The following KPNA5 variants were observed in gnomAD, a reference collection of about 807,000 sequenced individuals.
KPNA5 encodes the protein karyopherin subunit alpha 5.
A neutral mutation model predicts 71.3 loss-of-function variants in KPNA5; 46 were observed. The ratio of observed to expected loss-of-function variants is 0.65; its 90% CI spans 0.51 to 0.83. The LOEUF (loss-of-function observed/expected upper bound fraction) is 0.83. KPNA5 is among the 40% of genes least tolerant of loss of function. KPNA5 has a pLI of 0.00. For synonymous variants in KPNA5, 207 were observed against 201.4 expected (o/e 1.03, Z -0.24); for missense variants, 547 against 628.3 (o/e 0.87, Z 1.38).
At chr6:116,708,729 C>T (rs1281101283) in intron 7 of KPNA5, among the ~76,000 whole-genome samples, 5 of 151,800 alleles carry the variant, frequency 3.3e-5, no homozygotes, top group Non-Finnish European at 1.5e-5. Flanking sequence ...TCTTTTTTGA[C>T]TTGTTCCTTG....
At chr6:116,705,213 A>T in intron 7 of KPNA5, 53 bp downstream of exon 7, 1 of 1,288,056 alleles carries the variant, frequency 7.8e-7, no homozygotes. Context: ...ACTCCATGAT[A>T]TTCTACATAC....
chr6:116,730,023 A>G (rs1327187190), intron 13 of KPNA5, among the ~76,000 whole-genome samples: 1 of 150,278 alleles, frequency 6.7e-6, no homozygotes, highest in Non-Finnish European at 1.5e-5. Flanking sequence ...ATTTCTACAT[A>G]ATTTTTATTA....
chr6:116,729,868 CCCG>C (rs1421269880), intron 13 of KPNA5, 127 bp downstream of exon 13: 1 of 511,924 alleles, frequency 2.0e-6, no homozygotes, highest in Non-Finnish European at 3.3e-6. Context: ...TAAAATGTCA[CCCG>C]TAATTTTATT....
Position 116,722,169 on chromosome 6 carries a change from G to C in KPNA5, c.800G>C (p.Ser267Thr). ...LNVLSRLLFS[S>T]DPDVLADVCW... ...GTCCTGTCACGACTGTTGTTTAGCA[G>C]TGACCCAGATGTGTTAGCAGACGTG... The change falls in exon 9 of 14, where the codon AGT becomes ACT. Residue 267 changes from serine to threonine, a missense_variant. Ser to Thr is a moderately conservative substitution (Grantham distance 58, BLOSUM62 1). Coordinates refer to ENST00000368564, the MANE Select transcript of KPNA5 (RefSeq NM_001366306.2). 1 of 1,610,462 alleles carries C rather than the reference G, an allele frequency of 6.2e-7. No homozygotes were observed. Among genetic ancestry groups the C allele is most frequent in the Non-Finnish European group, 8.5e-7 (1 of 1,177,920 alleles).
chr6:116,691,994 C>A, intron 2 of KPNA5, 61 bp from the exon 3 acceptor site: 1 of 1,055,160 alleles, frequency 9.5e-7, no homozygotes, highest in Non-Finnish European at 1.5e-6. Flanking sequence ...ACATGGAATT[C>A]TATGGCAACT....
At chr6:116,706,715 G>A (rs80106497) in intron 7 of KPNA5, among the ~76,000 whole-genome samples, 6,477 of 152,002 alleles carry the variant, frequency 0.043, 420 homozygotes, top group African/African-American at 0.14. Flanking sequence ...TTTCCAAAAA[G>A]GGTATTAAAA....
intron 13 of KPNA5, among the ~76,000 whole-genome samples, chr6:116,731,340 A>G (rs760203485): frequency 2.2e-4 from 34 of 152,172 alleles, no homozygotes; most frequent in Non-Finnish European, 4.0e-4. Context: ...TTAGTCACTG[A>G]TTTAAGAATA....
chr6:116,725,750 G>T lies in KPNA5; in HGVS notation c.1000-1G>T. 4 of 1,599,092 alleles carry T rather than the reference G, an allele frequency of 2.5e-6. No homozygotes were observed. The highest frequency in any genetic ancestry group is 2.6e-6 in the Non-Finnish European group (3 of 1,173,868). On this transcript the variant is annotated splice_acceptor_variant, in intron 10 of 13. Coordinates refer to ENST00000368564, the MANE Select transcript of KPNA5 (RefSeq NM_001366306.2). LOFTEE classifies it high-confidence loss of function. ...TTGTTTCCATTTCTAACTTGTTTTA[G>T]GTAATTTTGAATTGTTCTGCATTAC...
chr6:116,701,317 G>C (rs993078113), intron 5 of KPNA5, among the ~76,000 whole-genome samples: 1 of 152,040 alleles, frequency 6.6e-6, no homozygotes, highest in African/African-American at 2.4e-5. Flanking sequence ...TTTGCCTGTG[G>C]ATTTGTAGGT....
In KPNA5 at chr6:116,725,791, T is replaced by C. The variant is rs1293598640; in HGVS notation, c.1040T>C (p.Leu347Ser). The C allele has an allele frequency of 1.9e-6, 3 of 1,613,286 alleles. No homozygotes were observed. Among genetic ancestry groups the C allele is most frequent in the Non-Finnish European group, 2.5e-6 (3 of 1,179,526 alleles). ...TCTGCATTACCCTGTCTCTTACATT[T>C]ATTGAGTAGCCCAAAGGAGTCAATT... is the stretch of plus-strand genomic sequence containing the variant. ...NCSALPCLLH[L>S]LSSPKESIRK... Residue 347 changes from leucine (L) to serine (S), a missense_variant, in exon 11 of 14, where the codon TTA becomes TCA. By Grantham distance (145) the Leu-to-Ser change is moderately radical. Transcript: ENST00000368564.
At chr6:116,688,244 A>C (rs977559458) in intron 1 of KPNA5, among the ~76,000 whole-genome samples, 7 of 152,166 alleles carry the variant, frequency 4.6e-5, no homozygotes, top group Non-Finnish European at 7.4e-5. Context: ...TCCTTACAAT[A>C]AAATTTGCCA....
In KPNA5 at chr6:116,694,516, A is replaced by C. The variant is rs550127880; in HGVS notation, c.340+2124A>C. 4.6e-5 allele frequency among the ~76,000 whole-genome samples: 7 copies of C among 151,990 alleles called. No homozygotes were observed. In the East Asian group the frequency reaches 1.4e-3, roughly 29 times the overall value. ...TTGAAGCAATTGTGAATGGGAGTTC[A>C]CTCATGATTTGGCTCTCTGTTTGTC... On this transcript the variant is annotated intron_variant, in intron 4 of 13. Coordinates refer to ENST00000368564, the MANE Select transcript of KPNA5 (RefSeq NM_001366306.2).
At chr6:116,696,914 A>C (rs2114395576) in intron 4 of KPNA5, among the ~76,000 whole-genome samples, 1 of 152,122 alleles carries the variant, frequency 6.6e-6, no homozygotes, top group South Asian at 2.1e-4. Flanking sequence ...ATTCACCGGG[A>C]AGAAACTATA....
chr6:116,687,307 A>T (rs1375746852), intron 1 of KPNA5, among the ~76,000 whole-genome samples: 1 of 152,162 alleles, frequency 6.6e-6, no homozygotes, highest in African/African-American at 2.4e-5. Flanking sequence ...GATTTAAAAG[A>T]CTACATGCTG....
At chr6:116,703,637 TCCA>T (rs1778317438) in intron 6 of KPNA5, among the ~76,000 whole-genome samples, 2 of 152,132 alleles carry the variant, frequency 1.3e-5, no homozygotes, top group African/African-American at 4.8e-5. Context: ...AATTAAGATC[TCCA>T]CCAACAGAAT....
chr6:116,686,389 A>G (rs994373178), intron 1 of KPNA5, among the ~76,000 whole-genome samples: 1 of 151,962 alleles, frequency 6.6e-6, no homozygotes, highest in Non-Finnish European at 1.5e-5. Flanking sequence ...TCACTTTTTA[A>G]TGGGGTTGTT....
chr6:116,702,585 C>T (rs1420508400), intron 6 of KPNA5, among the ~76,000 whole-genome samples: 2 of 152,100 alleles, frequency 1.3e-5, no homozygotes, highest in African/African-American at 4.8e-5. Context: ...ACAAGAATTC[C>T]TTGAGCCTGG....
At chr6:116,681,587 T>C in intron 1 of KPNA5, 9 of 1,203,146 alleles carry the variant, frequency 7.5e-6, no homozygotes, top group Non-Finnish European at 9.4e-6. Context: ...TCCTCTGGAG[T>C]GATGGGCAGC....
Position 116,741,566 on chromosome 6 carries a change from A to T in KPNA5, c.*9243A>T, listed in dbSNP as rs1232127932. 6.5e-6 allele frequency: 1 copy of T among 152,812 alleles called. No individual in the cohort carries two copies. The highest frequency in any genetic ancestry group is 1.5e-5 in the Non-Finnish European group (1 of 68,012). 9.5% of individuals were successfully genotyped at this position (152,812 alleles called of 1,614,324 possible). A position where few individuals can be genotyped will look rare whatever the true frequency, so the allele number is the denominator to read the frequency against. ...AGCAGCCATATTATGCCAAGAGGAA[A>T]AATATCATGATCATATTGAAAGATC... is the stretch of plus-strand genomic sequence containing the variant. On this transcript the variant is annotated 3_prime_UTR_variant, in exon 14 of 14. Transcript: ENST00000368564.
Sources: gnomAD v4.1 joint callset for allele counts (sites outside exome capture counted in the v4.1 genomes callset) on GRCh38, gnomAD v4.1.1 for gene constraint, MANE v1.5 for transcripts, NCBI Gene and HGNC (gene_info 2026-07-23, HGNC 2026-07-21) for gene names.